The following KLHL36 variants were observed in gnomAD, a reference collection of about 807,000 sequenced individuals.
KLHL36 encodes the protein kelch like family member 36.
A neutral mutation model predicts 53.3 loss-of-function variants in KLHL36; 35 were observed. That is an observed-to-expected ratio of 0.66 (90% CI 0.50 to 0.87). KLHL36 has a LOEUF of 0.87. KLHL36 is among the 40% of genes least tolerant of loss of function. The pLI, the probability that KLHL36 is intolerant of heterozygous loss-of-function variation, is 0.00. For missense variants in KLHL36, 864 were observed against 897.6 expected (o/e 0.96, Z 0.48); for synonymous variants, 472 against 398.9 (o/e 1.18, Z -2.18).
At chr16:84,658,119 G>C (rs115879323) in intron 3 of KLHL36, 175 bp downstream of exon 3, 1 of 549,936 alleles carries the variant, frequency 1.8e-6, no homozygotes, top group Non-Finnish European at 3.1e-6. Context: ...ACAGGGAGAG[G>C]GAGAGCCGAC....
In KLHL36 at chr16:84,661,816, G is replaced by A; in HGVS notation, c.1534G>A (p.Asp512Asn). 9 of 1,609,326 alleles carry A rather than the reference G, an allele frequency of 5.6e-6. No individual in the cohort carries two copies. Among genetic ancestry groups the A allele is most frequent in the Non-Finnish European group, 6.8e-6 (8 of 1,176,462 alleles). ...DDNIESMERFDVLGVEAYSPQ... is the reference protein window; with the variant it reads ...DDNIESMERFNVLGVEAYSPQ... Reference sequence around the variant, plus strand: ...CAACATCGAGTCCATGGAGCGCTTCGACGTGCTGGGCGTGGAGGCCTACAG... The same window carrying A: ...CAACATCGAGTCCATGGAGCGCTTCAACGTGCTGGGCGTGGAGGCCTACAG... The change falls in exon 5 of 5, where the codon GAC becomes AAC. Residue 512 changes from aspartate to asparagine, a missense_variant. Asp to Asn is a conservative substitution (Grantham distance 23). Coordinates refer to ENST00000564996, the MANE Select transcript of KLHL36 (RefSeq NM_024731.4). The surrounding 1 kb of genome is among the most constrained non-coding windows in gnomAD (Gnocchi z 7.9).
intron 2 of KLHL36, among the ~76,000 whole-genome samples, chr16:84,653,771 C>T (rs1000477222): frequency 7.3e-6 from 1 of 136,100 alleles, no homozygotes; most frequent in African/African-American, 2.8e-5. Flanking sequence ...ACCTGGGAGG[C>T]GGAGGTTGCA....
rs774668198 is a variant in KLHL36, at chr16:84,657,413, G to A, written c.606G>A (p.Val202=). ...KLCVYLSSSE[V]QRECEHDLLQ... ...GTGTCTACCTGAGCAGCAGCGAGGT[G>A]CAGCGGGAGTGTGAGCACGACCTCC... is the stretch of plus-strand genomic sequence containing the variant. Residue 202 remains valine, a synonymous_variant, in exon 3 of 5, where the codon GTG becomes GTA. Coordinates refer to ENST00000564996, the MANE Select transcript of KLHL36 (RefSeq NM_024731.4). 39 of 1,606,494 alleles carry A rather than the reference G, an allele frequency of 2.4e-5. No homozygotes were observed. Among genetic ancestry groups the A allele is most frequent in the Non-Finnish European group, 2.9e-5 (34 of 1,179,974 alleles).
At chr16:84,651,894 C>CA (rs1906906291) in intron 2 of KLHL36, among the ~76,000 whole-genome samples, 1 of 152,078 alleles carries the variant, frequency 6.6e-6, no homozygotes, top group Admixed American at 6.6e-5. Context: ...GATACAGAAA[C>CA]ACTTCTTTAG....
At position 84,662,897 on chromosome 16, in the gene KLHL36, C is replaced by T. The variant is rs1009003814; in HGVS notation, c.*764C>T. The T allele has an allele frequency of 5.3e-5, 8 of 150,450 alleles. No homozygotes were observed. The highest frequency in any genetic ancestry group is 2.0e-4 in the Admixed American group (3 of 15,192). 9.3% of individuals were successfully genotyped at this position (150,450 alleles called of 1,614,324 possible). ...CTAAAACGTTACAGGTAACCAAAAA[C>T]GAAAAAAGGTATGAAGCTCTTTATA... On this transcript the variant is annotated 3_prime_UTR_variant, in exon 5 of 5. Transcript: ENST00000564996.
Position 84,662,403 on chromosome 16 carries a change from G to A in KLHL36, c.*270G>A. On this transcript the variant is annotated 3_prime_UTR_variant, in exon 5 of 5. Coordinates refer to ENST00000564996, the MANE Select transcript of KLHL36 (RefSeq NM_024731.4). ...TTGCCCCGTGTTATGATTCCTCATG[G>A]GTCCTTGCTGACTGTCCCCCTGAGA... The A allele has an allele frequency of 6.3e-6, 2 of 319,152 alleles. No individual in the cohort carries two copies. The highest frequency in any genetic ancestry group is 1.7e-4 in the South Asian group (2 of 12,014). The allele number at this position is 319,152 out of a possible 1,614,324, so 19.8% of individuals were successfully genotyped here. A position where few individuals can be genotyped will look rare whatever the true frequency, so the allele number is the denominator to read the frequency against.
intron 2 of KLHL36, among the ~76,000 whole-genome samples, chr16:84,655,526 G>C (rs1041624136): frequency 1.1e-4 from 16 of 151,874 alleles, no homozygotes; most frequent in Admixed American, 7.2e-4. Flanking sequence ...GACATAGTGA[G>C]ACCTCGTCTC....
rs145678567 is a variant in KLHL36 at position 84,650,839 on chromosome 16, G to C, written c.-16-13G>C. On this transcript the variant is annotated splice_polypyrimidine_tract_variant and intron_variant, in intron 1 of 4. Transcript: ENST00000564996. ...TTATGACTGCATGCTCAGAAATCCT[G>C]TTCTTCTCCTAGGGCTGAAATCTCT... 2.0e-4 allele frequency: 317 copies of C among 1,599,804 alleles called. No individual in the cohort carries two copies. The African/African-American group carries it at 4.0e-3, about 20-fold the overall frequency.
chr16:84,657,991 G>T, intron 3 of KLHL36, 47 bp downstream of exon 3: 2 of 1,388,530 alleles, frequency 1.4e-6, no homozygotes, highest in Non-Finnish European at 1.9e-6. Context: ...GACTCTCTCG[G>T]TTTCCTTAAC....
intron 1 of KLHL36, among the ~76,000 whole-genome samples, chr16:84,649,937 C>T (rs1018545854): frequency 4.6e-5 from 7 of 152,192 alleles, no homozygotes; most frequent in African/African-American, 1.4e-4. Flanking sequence ...GTGTTCCCTT[C>T]CATCTTTGAA....
In KLHL36 at chr16:84,656,037, C is replaced by T. The variant is rs1394028097; in HGVS notation, c.64-834C>T. On this transcript the variant is annotated intron_variant, in intron 2 of 4. Coordinates refer to ENST00000564996, the MANE Select transcript of KLHL36 (RefSeq NM_024731.4). Reference sequence around the variant, plus strand: ...CCTCCTGAGCAGCTGGGACTACAGGCGAATGCCACCACGCCCACCTAATTT... The same window carrying T: ...CCTCCTGAGCAGCTGGGACTACAGGTGAATGCCACCACGCCCACCTAATTT... Among the ~76,000 whole-genome samples, 6 of 151,762 alleles carry T rather than the reference C, an allele frequency of 4.0e-5. 1 individual carries two copies. In the South Asian group the frequency reaches 8.3e-4, roughly 21 times the overall value.
chr16:84,661,340 G>C lies in KLHL36; in HGVS notation c.1296-238G>C, dbSNP rs1488988152. Among the ~76,000 whole-genome samples the C allele has an allele frequency of 6.6e-6, 1 of 152,232 alleles. No homozygotes were observed. The stretch of plus-strand genomic sequence containing the variant: ...AGATGGGGCAAGGGAGACTCAGAGA[G>C]AGTGAAGCTGGGTTCTGGCCCAGGC... On this transcript the variant is annotated intron_variant, in intron 4 of 4. Transcript: ENST00000564996. The surrounding 1 kb of genome is among the most constrained non-coding windows in gnomAD (Gnocchi z 7.9).
At chr16:84,655,013 G>A (rs1286597315) in intron 2 of KLHL36, among the ~76,000 whole-genome samples, 1 of 152,166 alleles carries the variant, frequency 6.6e-6, no homozygotes, top group East Asian at 1.9e-4. Flanking sequence ...AAATTTAAAA[G>A]CCCGGTGTAG....
chr16:84,657,287 C>G lies in KLHL36; in HGVS notation c.480C>G (p.Leu160=). ...YLQELASIYS[L]KRLDAFIDGF... is the part of the protein sequence containing the mutation. ...AGGAGCTGGCCTCCATCTACAGCCT[C>G]AAGCGGCTTGATGCCTTCATCGATG... The change falls in exon 3 of 5, where the codon CTC becomes CTG. Residue 160 remains leucine (L), a synonymous_variant. Transcript: ENST00000564996. The G allele has an allele frequency of 1.2e-6, 2 of 1,614,054 alleles. No homozygotes were observed. The highest frequency in any genetic ancestry group is 8.5e-7 in the Non-Finnish European group (1 of 1,180,026).
chr16:84,657,743 T>C lies in KLHL36; in HGVS notation c.936T>C (p.Ser312=). The change falls in exon 3 of 5, where the codon AGT becomes AGC. Residue 312 remains serine (S), a synonymous_variant. Transcript: ENST00000564996. ...GEVSERCLEL[S]DDTCYLDAKS... is the part of the protein sequence containing the mutation. Reference sequence around the variant, plus strand: ...TCTCCGAGCGGTGTCTGGAGCTCAGTGACGACACCTGCTACCTGGACGCCA... The same window carrying C: ...TCTCCGAGCGGTGTCTGGAGCTCAGCGACGACACCTGCTACCTGGACGCCA... 6.2e-7 allele frequency: 1 copy of C among 1,612,242 alleles called. No individual in the cohort carries two copies. Among genetic ancestry groups the C allele is most frequent in the South Asian group, 1.1e-5 (1 of 91,014 alleles).
intron 3 of KLHL36, chr16:84,659,493 G>C (rs11149672): frequency 0.29 from 119,888 of 409,158 alleles, 18,434 homozygotes; most frequent in Non-Finnish European, 0.32. Flanking sequence ...CATGACCAGA[G>C]AAGTTCGGGG....
intron 1 of KLHL36, chr16:84,649,354 G>C (rs530043539): frequency 6.6e-6 from 1 of 152,514 alleles, no homozygotes; most frequent in South Asian, 2.1e-4. Flanking sequence ...TTGAGCGTTA[G>C]AAGGCCTGGT....
In KLHL36 at chr16:84,662,085, C is replaced by T. The variant is rs754133346; in HGVS notation, c.1803C>T (p.Asp601=). 2 of 1,573,108 alleles carry T rather than the reference C, an allele frequency of 1.3e-6. No individual in the cohort carries two copies. The highest frequency in any genetic ancestry group is 4.6e-5 in the East Asian group (2 of 43,588). Residue 601 remains aspartate, a synonymous_variant, in exon 5 of 5, where the codon GAC becomes GAT. Transcript: ENST00000564996. ...CVCALEPRPE[D]KKKKGKGKRH... is the part of the protein sequence containing the mutation. Reference sequence around the variant, plus strand: ...GCGCCCTGGAGCCACGGCCAGAGGACAAGAAGAAGAAAGGCAAAGGCAAGA... The same window carrying T: ...GCGCCCTGGAGCCACGGCCAGAGGATAAGAAGAAGAAAGGCAAAGGCAAGA...
chr16:84,662,336 T>A lies in KLHL36; in HGVS notation c.*203T>A, dbSNP rs1156834645. 1.9e-6 allele frequency: 1 copy of A among 536,330 alleles called. No individual in the cohort carries two copies. Among genetic ancestry groups the A allele is most frequent in the Non-Finnish European group, 3.2e-6 (1 of 308,900 alleles). The allele number at this position is 536,330 out of a possible 1,614,324, so 33.2% of individuals were successfully genotyped here. ...CATATCTTGCTTGAATAACTAACCC[T>A]GGGCCCAGGCAGTGAGCAACCCCTT... On this transcript the variant is annotated 3_prime_UTR_variant, in exon 5 of 5. Transcript: ENST00000564996.
Sources: allele counts gnomAD v4.1 joint callset (sites outside exome capture counted in the v4.1 genomes callset), GRCh38; gene constraint gnomAD v4.1.1; non-coding constraint Gnocchi (gnomAD v3.1); transcripts MANE v1.5; gene names NCBI Gene and HGNC (gene_info 2026-07-23, HGNC 2026-07-21).